The following SLFN12L variants were observed in gnomAD, a reference collection of about 807,000 sequenced individuals.
The protein encoded by SLFN12L is schlafen family member 12-like.
Under a neutral mutation model 34.8 loss-of-function variants are expected in SLFN12L, and 34 were observed. The observed-to-expected ratio is 0.98, with a 90% CI of 0.74 to 1.30. The LOEUF (loss-of-function observed/expected upper bound fraction) is 1.30. Among genes scored for constraint, SLFN12L ranks in the 50% most tolerant of loss-of-function variants. The pLI, the probability that SLFN12L is intolerant of heterozygous loss-of-function variation, is 0.00. For synonymous variants in SLFN12L, 259 were observed against 247.5 expected (o/e 1.05, Z -0.44); for missense variants, 703 against 696.2 (o/e 1.01, Z -0.11).
chr17:35,480,968 G>A (rs1418405254), intron 2 of SLFN12L, among the ~76,000 whole-genome samples: 1 of 152,094 alleles, frequency 6.6e-6, no homozygotes, highest in Non-Finnish European at 1.5e-5. Context: ...TCATTAGTTT[G>A]TGGTATTATT....
At position 35,468,577 on chromosome 17, in the gene SLFN12L, A is replaced by G. The variant is rs1440739216; in HGVS notation, c.*6346T>C. Among the ~76,000 whole-genome samples, 2 of 152,106 alleles carry G rather than the reference A, an allele frequency of 1.3e-5. No homozygotes were observed. Among genetic ancestry groups the G allele is most frequent in the Non-Finnish European group, 2.9e-5 (2 of 68,018 alleles). ...CGAACATTTGGCCTTTTTTCCTTTGATATCAGGGATTCTATTGTGTTTCTG... is the reference window on the plus strand; with the variant it reads ...CGAACATTTGGCCTTTTTTCCTTTGGTATCAGGGATTCTATTGTGTTTCTG... On this transcript the variant is annotated 3_prime_UTR_variant, in exon 5 of 5. Coordinates refer to ENST00000628453, the MANE Select transcript of SLFN12L (RefSeq NM_001363830.2).
In SLFN12L at chr17:35,507,472, C is replaced by G. The variant is rs12601267; in HGVS notation, c.86+14807G>C. ...TGCTATCTATCAAAATAGATTGGCT[C>G]TTGACAACTTGCTAGCAGCTGAAGG... is the stretch of plus-strand genomic sequence containing the variant. On this transcript the variant is annotated intron_variant, in intron 2 of 4. Coordinates refer to ENST00000628453, the MANE Select transcript of SLFN12L (RefSeq NM_001363830.2). Among the ~76,000 whole-genome samples the G allele has an allele frequency of 0.012, 1,776 of 152,256 alleles. 103 individuals are homozygous for G. The East Asian group carries it at 0.18, about 15-fold the overall frequency.
In SLFN12L at chr17:35,506,900, C is replaced by T. The variant is rs545845215; in HGVS notation, c.86+15379G>A. 3.7e-4 allele frequency among the ~76,000 whole-genome samples: 57 copies of T among 152,324 alleles called. 1 individual carries two copies. The South Asian group carries it at 9.7e-3, about 26-fold the overall frequency. ...AGAGTGGGGAAGGACTTCACCCTTCCTGTGGGAAGACTCAGCTGCCTTGGG... is the reference window on the plus strand; with the variant it reads ...AGAGTGGGGAAGGACTTCACCCTTCTTGTGGGAAGACTCAGCTGCCTTGGG... On this transcript the variant is annotated intron_variant, in intron 2 of 4. Transcript: ENST00000628453.
chr17:35,493,034 A>T (rs1362652521), intron 2 of SLFN12L, among the ~76,000 whole-genome samples: 1 of 152,018 alleles, frequency 6.6e-6, no homozygotes, highest in East Asian at 1.9e-4. Context: ...AGATTTCCAC[A>T]ATATGCAAAG....
At chr17:35,527,922 T>G (rs897918157) in intron 1 of SLFN12L, among the ~76,000 whole-genome samples, 5 of 152,212 alleles carry the variant, frequency 3.3e-5, no homozygotes, top group Admixed American at 2.6e-4. Flanking sequence ...TGTCTCTGTT[T>G]GCAGATGACA....
intron 1 of SLFN12L, among the ~76,000 whole-genome samples, chr17:35,533,534 G>C (rs2072430712): frequency 6.6e-6 from 1 of 152,206 alleles, no homozygotes; most frequent in Non-Finnish European, 1.5e-5. Context: ...AATGGGTTCA[G>C]AGAAGGATTT....
chr17:35,494,543 TG>T lies in SLFN12L; in HGVS notation c.87-14349del, dbSNP rs1014123963. Among the ~76,000 whole-genome samples, 7 of 152,338 alleles carry T rather than the reference TG, an allele frequency of 4.6e-5. No homozygotes were observed. In the South Asian group the frequency reaches 1.2e-3, roughly 27 times the overall value. ...CCATTGCAGCTTGTGCTGGAGGCCT[TG>T]GGCACTGCACTAAGGCACACAGAGC... On this transcript the variant is annotated intron_variant, in intron 2 of 4. Transcript: ENST00000628453.
At chr17:35,499,178 T>C (rs1915203627) in intron 2 of SLFN12L, 1 of 941,438 alleles carries the variant, frequency 1.1e-6, no homozygotes, top group Non-Finnish European at 1.6e-6. Flanking sequence ...TGGAGGAGGA[T>C]GTGTGAATAC....
intron 2 of SLFN12L, among the ~76,000 whole-genome samples, chr17:35,514,401 G>A (rs544109307): frequency 5.3e-5 from 8 of 152,194 alleles, no homozygotes; most frequent in South Asian, 4.1e-4. Flanking sequence ...TGCACTAGCC[G>A]TAAAAATGTG....
At chr17:35,498,206 A>AGCCGGGGCCGCCTGGGC in intron 2 of SLFN12L, 4 of 260,386 alleles carry the variant, frequency 1.5e-5, no homozygotes, top group Non-Finnish European at 3.2e-5. Flanking sequence ...GCCGCCTGGG[A>AGCCGGGGCCGCCTGGGC]TGTTCAGTCA....
intron 2 of SLFN12L, among the ~76,000 whole-genome samples, chr17:35,501,815 G>A (rs1462576611): frequency 6.6e-6 from 1 of 152,198 alleles, no homozygotes; most frequent in Non-Finnish European, 1.5e-5. Context: ...ATGGCACAAG[G>A]TAACTTGTAA....
chr17:35,504,592 T>G lies in SLFN12L; in HGVS notation c.86+17687A>C, dbSNP rs960198598. Among the ~76,000 whole-genome samples, 6 of 152,192 alleles carry G rather than the reference T, an allele frequency of 3.9e-5. No homozygotes were observed. In the South Asian group the frequency reaches 6.2e-4, roughly 16 times the overall value. ...GGGTGGTCCTCCAGTCGACCAGGCATGGGCTGCATGGTAGCTCTTTTCCAG... is the reference window on the plus strand; with the variant it reads ...GGGTGGTCCTCCAGTCGACCAGGCAGGGGCTGCATGGTAGCTCTTTTCCAG... On this transcript the variant is annotated intron_variant, in intron 2 of 4. Transcript: ENST00000628453.
In SLFN12L at chr17:35,467,678, A is replaced by G. The variant is rs9896155; in HGVS notation, c.*7245T>C. ...CTTAACCTATTTTTATAGATTTTCA[A>G]TATCAAACCCCCCCCATCAGGAGGC... On this transcript the variant is annotated 3_prime_UTR_variant, in exon 5 of 5. Transcript: ENST00000628453. 0.44 allele frequency among the ~76,000 whole-genome samples: 66,981 copies of G among 151,510 alleles called. 15,111 individuals are homozygous for G. The highest frequency in any genetic ancestry group is 0.64 in the Middle Eastern group (185 of 290).
At chr17:35,536,845 T>A (rs1179949962) in intron 1 of SLFN12L, among the ~76,000 whole-genome samples, 2 of 150,906 alleles carry the variant, frequency 1.3e-5, no homozygotes, top group African/African-American at 4.9e-5. Context: ...AAACCCCTTT[T>A]CATAGTGATG....
At chr17:35,482,704 G>T (rs1914395101) in intron 2 of SLFN12L, among the ~76,000 whole-genome samples, 2 of 152,178 alleles carry the variant, frequency 1.3e-5, no homozygotes, top group African/African-American at 4.8e-5. Context: ...TCTGATCTGG[G>T]AGCAAAGGCT....
Position 35,475,000 on chromosome 17 carries a change from T to A in SLFN12L, c.1762A>T (p.Asn588Tyr). 1 of 1,574,672 alleles carries A rather than the reference T, an allele frequency of 6.4e-7. No homozygotes were observed. The highest frequency in any genetic ancestry group is 8.6e-7 in the Non-Finnish European group (1 of 1,158,118). The change falls in exon 5 of 5, where the codon AAT becomes TAT. Residue 588 changes from asparagine to tyrosine, a missense_variant. Transcript: ENST00000628453. ...KALSNILPKENQIFLFVCLFR... is the reference protein window; with the variant it reads ...KALSNILPKEYQIFLFVCLFR... Reference sequence around the variant, plus strand: ...AAACAAACAAACAAAAAGATTTGATTCTCCTTAGGTAAGATATTTGAAAGG... The same window carrying A: ...AAACAAACAAACAAAAAGATTTGATACTCCTTAGGTAAGATATTTGAAAGG...
intron 2 of SLFN12L, among the ~76,000 whole-genome samples, chr17:35,503,358 C>G (rs1294710213): frequency 6.6e-6 from 1 of 152,046 alleles, no homozygotes; most frequent in East Asian, 1.9e-4. Flanking sequence ...TGCTCTTTAA[C>G]AAAGATTATA....
At chr17:35,495,900 A>AACAC (rs58553128) in intron 2 of SLFN12L, among the ~76,000 whole-genome samples, 4,343 of 137,958 alleles carry the variant, frequency 0.031, 78 homozygotes, top group East Asian at 0.045. Flanking sequence ...GCCGATTTGA[A>AACAC]ACACACACAC....
At chr17:35,480,321 G>A in intron 2 of SLFN12L, 126 bp from the exon 3 acceptor site, 2 of 636,466 alleles carry the variant, frequency 3.1e-6, no homozygotes. Context: ...ATGGGTCTGA[G>A]ATAACTAATT....
Sources: allele counts gnomAD v4.1 joint callset (sites outside exome capture counted in the v4.1 genomes callset), GRCh38; gene constraint gnomAD v4.1.1; transcripts MANE v1.5; gene names NCBI Gene and HGNC (gene_info 2026-07-23, HGNC 2026-07-21).